The following ASH1L variants were observed in gnomAD, a reference collection of about 807,000 sequenced individuals.
ASH1L encodes the protein ASH1 like histone lysine methyltransferase, also known as histone-lysine N-methyltransferase ASH1L.
ASH1L carries 23 observed loss-of-function variants against 269.0 expected under a neutral mutation model. The observed-to-expected ratio is 0.09, with a 90% CI of 0.06 to 0.12. ASH1L has a LOEUF of 0.12. Among genes scored for constraint, ASH1L ranks in the 10% least tolerant of loss-of-function variants. ASH1L has a pLI of 1.00. For missense variants in ASH1L, 2,912 were observed against 3,567.8 expected (o/e 0.82, Z 4.68); for synonymous variants, 1,187 against 1,253.5 (o/e 0.95, Z 1.12).
At chr1:155,533,749 A>G (rs2148873571) in intron 1 of ASH1L, among the ~76,000 whole-genome samples, 1 of 151,292 alleles carries the variant, frequency 6.6e-6, no homozygotes, top group African/African-American at 2.4e-5. Context: ...GATCATCTTT[A>G]GTCTCGATCT....
At chr1:155,417,304 G>A (rs547801426) in intron 5 of ASH1L, among the ~76,000 whole-genome samples, 1 of 152,078 alleles carries the variant, frequency 6.6e-6, no homozygotes, top group African/African-American at 2.4e-5. Flanking sequence ...CCAAACTGAT[G>A]AGCTGAAAAG....
At chr1:155,345,571 CTTTTT>C (rs1179125179) in intron 21 of ASH1L, among the ~76,000 whole-genome samples, 1 of 104,934 alleles carries the variant, frequency 9.5e-6, no homozygotes, top group Non-Finnish European at 1.9e-5. Flanking sequence ...CCATGCCCAG[CTTTTT>C]TTTTTTTTTT....
intron 6 of ASH1L, among the ~76,000 whole-genome samples, chr1:155,406,475 G>A (rs1178524818): frequency 6.6e-6 from 1 of 152,134 alleles, no homozygotes; most frequent in East Asian, 1.9e-4. Flanking sequence ...GAAGCCAAGA[G>A]GGGAGGATTG....
intron 1 of ASH1L, among the ~76,000 whole-genome samples, chr1:155,535,516 C>G (rs1669994516): frequency 6.6e-6 from 1 of 151,880 alleles, no homozygotes; most frequent in African/African-American, 2.4e-5. Context: ...TGTGGTGGTT[C>G]ACGCCTGTAA....
At chr1:155,378,745 T>A (rs1396608931) in intron 8 of ASH1L, among the ~76,000 whole-genome samples, 197 bp from the exon 9 acceptor site, 1 of 152,134 alleles carries the variant, frequency 6.6e-6, no homozygotes. Flanking sequence ...GGTGAGAGAA[T>A]AAGATTCAAC....
chr1:155,475,939 A>G (rs956297009), intron 3 of ASH1L, among the ~76,000 whole-genome samples: 8 of 152,202 alleles, frequency 5.3e-5, no homozygotes, highest in Non-Finnish European at 4.4e-5. Context: ...TATAATCTCC[A>G]TGACTCAATG....
intron 4 of ASH1L, among the ~76,000 whole-genome samples, chr1:155,454,755 C>G (rs1009499413): frequency 2.0e-5 from 3 of 151,856 alleles, no homozygotes; most frequent in African/African-American, 7.3e-5. Flanking sequence ...GTGACAAGAG[C>G]GAGACTCTGT....
intron 5 of ASH1L, among the ~76,000 whole-genome samples, chr1:155,416,795 G>A (rs187168607): frequency 1.8e-3 from 279 of 151,866 alleles, no homozygotes; most frequent in Non-Finnish European, 2.9e-3. Flanking sequence ...CCCACCCAAA[G>A]TGCTGGGATT....
intron 1 of ASH1L, among the ~76,000 whole-genome samples, chr1:155,525,446 C>CAGAA (rs1247194878): frequency 6.6e-6 from 1 of 150,578 alleles, no homozygotes; most frequent in East Asian, 1.9e-4. Context: ...AATTACAATG[C>CAGAA]AGAAGTATTA....
chr1:155,342,280 A>G (rs1353447145), intron 24 of ASH1L, among the ~76,000 whole-genome samples, 178 bp from the exon 25 acceptor site: 1 of 152,222 alleles, frequency 6.6e-6, no homozygotes, highest in Non-Finnish European at 1.5e-5. Context: ...GTTCTCAGAC[A>G]CTAGTGTCAA....
intron 1 of ASH1L, among the ~76,000 whole-genome samples, chr1:155,548,044 T>TC (rs1392273935): frequency 7.9e-5 from 12 of 152,100 alleles, no homozygotes; most frequent in African/African-American, 2.9e-4. Flanking sequence ...GAAGCCATCA[T>TC]CCTCAGCAAA....
At chr1:155,542,826 CCCG>C (rs1474027771) in intron 1 of ASH1L, among the ~76,000 whole-genome samples, 1 of 151,304 alleles carries the variant, frequency 6.6e-6, no homozygotes, top group Non-Finnish European at 1.5e-5. Context: ...ATTACATGTG[CCCG>C]CCACCATGCC....
rs896957897 is a variant in ASH1L, at chr1:155,347,899, G to A, written c.7560C>T (p.Tyr2520=). 5.6e-6 allele frequency: 9 copies of A among 1,614,066 alleles called. No homozygotes were observed. The East Asian group carries it at 2.0e-4, about 36-fold the overall frequency. Residue 2520 remains tyrosine (Y), a synonymous_variant, in exon 20 of 28, where the codon TAC becomes TAT. Coordinates refer to ENST00000392403, the MANE Select transcript of ASH1L (RefSeq NM_018489.3). Reference sequence around the variant, plus strand: ...TCCCAACTGGGGATTTACGCCCATAGTACTTCTGAAGAAAGCAAATAAAGA... The same window carrying A: ...TCCCAACTGGGGATTTACGCCCATAATACTTCTGAAGAAAGCAAATAAAGA... ...MLKVFRNAEK[Y]YGRKSPVGRD...
chr1:155,516,740 G>C (rs958307522), intron 2 of ASH1L, among the ~76,000 whole-genome samples: 1 of 151,258 alleles, frequency 6.6e-6, no homozygotes, highest in Non-Finnish European at 1.5e-5. Context: ...CTCCAGCATG[G>C]GCAGCAAGAC....
intron 6 of ASH1L, among the ~76,000 whole-genome samples, chr1:155,413,307 T>C (rs991440113): frequency 2.0e-5 from 3 of 152,306 alleles, no homozygotes; most frequent in East Asian, 1.9e-4. Flanking sequence ...GAAATTTTCT[T>C]ACAAAGAAGG....
At chr1:155,496,297 A>G (rs538754626) in intron 2 of ASH1L, among the ~76,000 whole-genome samples, 1 of 152,376 alleles carries the variant, frequency 6.6e-6, no homozygotes, top group South Asian at 2.1e-4. Flanking sequence ...GGAATTTTTC[A>G]GCTCCATTAT....
rs1570993824 is a variant in ASH1L at position 155,360,284 on chromosome 1, G to A, written c.6795+17C>T. On this transcript the variant is annotated intron_variant, in intron 13 of 27. Coordinates refer to ENST00000392403, the MANE Select transcript of ASH1L (RefSeq NM_018489.3). ...AGGGATAAAGTTCAATCTCCCTCTAGGATTTATTATTCTTACCTGTTTTTC... is the reference window on the plus strand; with the variant it reads ...AGGGATAAAGTTCAATCTCCCTCTAAGATTTATTATTCTTACCTGTTTTTC... 6.6e-7 allele frequency: 1 copy of A among 1,511,120 alleles called. No homozygotes were observed. Among genetic ancestry groups the A allele is most frequent in the Non-Finnish European group, 9.2e-7 (1 of 1,086,680 alleles). The allele number at this position is 1,511,120 out of a possible 1,614,324, so 93.6% of individuals were successfully genotyped here.
chr1:155,540,713 G>A lies in ASH1L; in HGVS notation c.-99-19095C>T, dbSNP rs530426161. Among the ~76,000 whole-genome samples the A allele has an allele frequency of 1.1e-4, 17 of 151,312 alleles. No homozygotes were observed. In the South Asian group the frequency reaches 3.1e-3, roughly 28 times the overall value. On this transcript the variant is annotated intron_variant, in intron 1 of 27. Coordinates refer to ENST00000392403, the MANE Select transcript of ASH1L (RefSeq NM_018489.3). ...GAGCCTGGGAAGTCAAGGCTGCAGC[G>A]AGCTAAGATCACACCACTGCACTCC...
chr1:155,509,646 A>C (rs1668037360), intron 2 of ASH1L, among the ~76,000 whole-genome samples: 1 of 152,168 alleles, frequency 6.6e-6, no homozygotes, highest in African/African-American at 2.4e-5. Context: ...TAAAAATACA[A>C]AAATTAGCTG....
Sources: gnomAD v4.1 joint callset for allele counts (sites outside exome capture counted in the v4.1 genomes callset) on GRCh38, gnomAD v4.1.1 for gene constraint, MANE v1.5 for transcripts, NCBI Gene and HGNC (gene_info 2026-07-23, HGNC 2026-07-21) for gene names.